Variants in TTC31 observed in about 807,000 individuals in gnomAD.
TTC31 encodes the protein tetratricopeptide repeat protein 31.
A neutral mutation model predicts 60.4 loss-of-function variants in TTC31; 59 were observed. The observed-to-expected ratio is 0.98, with a 90% CI of 0.79 to 1.21. The LOEUF (loss-of-function observed/expected upper bound fraction) is 1.21. Among genes scored for constraint, TTC31 ranks in the 50% most tolerant of loss-of-function variants. TTC31 has a pLI of 0.00. For missense variants in TTC31, 672 were observed against 646.9 expected (o/e 1.04, Z -0.42); for synonymous variants, 225 against 249.6 (o/e 0.90, Z 0.93).
Position 74,491,996 on chromosome 2 carries a change from A to G in TTC31, c.877-8A>G. On this transcript the variant is annotated splice_region_variant and splice_polypyrimidine_tract_variant and intron_variant, in intron 8 of 12. Coordinates refer to ENST00000233623, the MANE Select transcript of TTC31 (RefSeq NM_022492.6). Reference sequence around the variant, plus strand: ...CAAGACCTGCTTGACTTTGCACCCTATCCCCAGGCATCTCCGGGACTGCTG... The same window carrying G: ...CAAGACCTGCTTGACTTTGCACCCTGTCCCCAGGCATCTCCGGGACTGCTG... The G allele has an allele frequency of 1.2e-6, 2 of 1,614,148 alleles. No homozygotes were observed. The highest frequency in any genetic ancestry group is 1.1e-5 in the South Asian group (1 of 91,086).
At chr2:74,484,755 T>C (rs1352091417) in intron 2 of TTC31, among the ~76,000 whole-genome samples, 3 of 151,818 alleles carry the variant, frequency 2.0e-5, no homozygotes, top group African/African-American at 7.2e-5. Context: ...CCATGCCCGG[T>C]AGACAGCAGG....
chr2:74,492,257 C>T (rs1382035796), intron 10 of TTC31, 28 bp downstream of exon 10: 1 of 1,613,892 alleles, frequency 6.2e-7, no homozygotes, highest in African/African-American at 1.3e-5. Context: ...CAGGGCAGGG[C>T]AGAGTGTTGA....
intron 8 of TTC31, 83 bp downstream of exon 8, chr2:74,491,755 T>C (rs554619381): frequency 3.3e-6 from 5 of 1,521,060 alleles, no homozygotes; most frequent in Non-Finnish European, 4.5e-6. Context: ...GTCTAAGGAT[T>C]GACACAGGGT....
intron 5 of TTC31, 41 bp downstream of exon 5, chr2:74,490,780 G>T (rs768462378): frequency 1.3e-6 from 2 of 1,577,800 alleles, no homozygotes; most frequent in Non-Finnish European, 1.7e-6. Flanking sequence ...GAGCCAAAGG[G>T]ATTTGGGAGA....
At position 74,492,980 on chromosome 2, in the gene TTC31, T is replaced by C; in HGVS notation, c.1322T>C (p.Leu441Pro). The change falls in exon 13 of 13, where the codon CTT (leucine) becomes CCT (proline). Residue 441 changes from leucine (L) to proline (P), a missense_variant. Leu to Pro is a moderately conservative substitution (Grantham distance 98). Coordinates refer to ENST00000233623, the MANE Select transcript of TTC31 (RefSeq NM_022492.6). The stretch of plus-strand genomic sequence containing the variant: ...CTGTCACCTGGGGCCCTCCAGCCAC[T>C]TCCCCATGCTGAGCTGGCACCCTCA... Reference protein sequence around the residue: ...PPLSPGALQPLPHAELAPSGL... With the variant: ...PPLSPGALQPPPHAELAPSGL... The C allele has an allele frequency of 1.9e-6, 3 of 1,613,942 alleles. No homozygotes were observed. Among genetic ancestry groups the C allele is most frequent in the South Asian group, 2.2e-5 (2 of 91,070 alleles).
At chr2:74,488,678 A>G (rs1673445282) in intron 2 of TTC31, among the ~76,000 whole-genome samples, 1 of 152,228 alleles carries the variant, frequency 6.6e-6, no homozygotes, top group Non-Finnish European at 1.5e-5. Flanking sequence ...CTGAAGTCCC[A>G]TCTACTCAGG....
intron 5 of TTC31, 193 bp downstream of exon 5, chr2:74,490,932 G>A: frequency 1.1e-6 from 1 of 900,626 alleles, no homozygotes; most frequent in Non-Finnish European, 1.7e-6. Context: ...ATCCTACTGT[G>A]CTGCCTAGGT....
At chr2:74,483,595 T>A (rs1175599926) in intron 2 of TTC31, 185 bp downstream of exon 2, 1 of 1,465,424 alleles carries the variant, frequency 6.8e-7, no homozygotes, top group African/African-American at 1.4e-5. Flanking sequence ...AGGAGGATGA[T>A]CCTGATGTAA....
chr2:74,492,575 C>T lies in TTC31; in HGVS notation c.1162-71C>T, dbSNP rs545871757. The T allele has an allele frequency of 1.6e-5, 26 of 1,582,948 alleles. No individual in the cohort carries two copies. The Admixed American group carries it at 2.8e-4, about 17-fold the overall frequency. On this transcript the variant is annotated intron_variant, in intron 11 of 12. Transcript: ENST00000233623. Reference sequence around the variant, plus strand: ...TGGTTGTGGTACTAGGAGCAGGGGCCAGTTTTAGAAAGGGTACTTTTAAGC... The same window carrying T: ...TGGTTGTGGTACTAGGAGCAGGGGCTAGTTTTAGAAAGGGTACTTTTAAGC...
At chr2:74,484,662 T>C (rs1298105148) in intron 2 of TTC31, among the ~76,000 whole-genome samples, 1 of 152,090 alleles carries the variant, frequency 6.6e-6, no homozygotes. Context: ...TTTCACCATG[T>C]TGGCCAGCAT....
intron 4 of TTC31, 45 bp downstream of exon 4, chr2:74,490,518 C>G (rs923890229): frequency 3.7e-5 from 57 of 1,548,576 alleles, no homozygotes; most frequent in Admixed American, 1.2e-4. Context: ...AGGGTTCTTT[C>G]AATCCCTGTA....
intron 2 of TTC31, among the ~76,000 whole-genome samples, chr2:74,487,497 T>A (rs1212347830): frequency 6.6e-6 from 1 of 151,616 alleles, no homozygotes; most frequent in Non-Finnish European, 1.5e-5. Context: ...GGATTACAGG[T>A]GTGAGCCACT....
chr2:74,491,397 T>C, intron 7 of TTC31, 22 bp downstream of exon 7: 1 of 1,614,152 alleles, frequency 6.2e-7, no homozygotes. Context: ...TTTTTTCCCT[T>C]CTTGGTCTCT....
At chr2:74,491,067 G>A in intron 5 of TTC31, 61 bp from the exon 6 acceptor site, 1 of 1,603,088 alleles carries the variant, frequency 6.2e-7, no homozygotes, top group Non-Finnish European at 8.5e-7. Flanking sequence ...CGAAATCTTA[G>A]CCCAGCACAC....
chr2:74,489,552 G>C (rs1396665493), intron 2 of TTC31, among the ~76,000 whole-genome samples: 2 of 152,228 alleles, frequency 1.3e-5, no homozygotes, highest in Non-Finnish European at 2.9e-5. Flanking sequence ...TAATTTCTTA[G>C]AGCTTAGTTT....
chr2:74,488,027 T>G (rs1375060077), intron 2 of TTC31, among the ~76,000 whole-genome samples: 1 of 152,174 alleles, frequency 6.6e-6, no homozygotes. Flanking sequence ...CAGGCTTCAG[T>G]GCAGTGGCAT....
intron 2 of TTC31, 181 bp downstream of exon 2, chr2:74,483,591 A>T (rs750640111): frequency 1.4e-6 from 2 of 1,467,666 alleles, no homozygotes; most frequent in African/African-American, 1.4e-5. Flanking sequence ...GATCAGGAGG[A>T]TGATCCTGAT....
At position 74,492,664 on chromosome 2, in the gene TTC31, G is replaced by T; in HGVS notation, c.1180G>T (p.Ala394Ser). The change falls in exon 12 of 13, where the codon GCT becomes TCT. Residue 394 changes from alanine (A) to serine (S), a missense_variant. By Grantham distance (99) the Ala-to-Ser change is moderately conservative. Transcript: ENST00000233623. ...MGLQRFREAA[A>S]VFQETLRGGS... ...ACCAAAGCGCTTCAGAGAGGCAGCT[G>T]CTGTGTTTCAGGAAACTCTGAGAGG... is the stretch of plus-strand genomic sequence containing the variant. The T allele has an allele frequency of 6.2e-7, 1 of 1,614,208 alleles. No individual in the cohort carries two copies.
chr2:74,491,000 A>G (rs1673799193), intron 5 of TTC31, 128 bp from the exon 6 acceptor site: 3 of 1,325,672 alleles, frequency 2.3e-6, no homozygotes, highest in Non-Finnish European at 3.2e-6. Context: ...CTGCTTTTTC[A>G]CCTGCAAAAT....
Sources: allele counts gnomAD v4.1 joint callset (sites outside exome capture counted in the v4.1 genomes callset), GRCh38; gene constraint gnomAD v4.1.1; transcripts MANE v1.5; gene names NCBI Gene and HGNC (gene_info 2026-07-23, HGNC 2026-07-21).